Variants in PCDHA1 observed in about 807,000 individuals in gnomAD.
The protein encoded by PCDHA1 is protocadherin alpha 1, also known as protocadherin alpha-1.
A neutral mutation model predicts 61.3 loss-of-function variants in PCDHA1; 42 were observed. The ratio of observed to expected loss-of-function variants is 0.69; its 90% CI spans 0.54 to 0.89. The LOEUF is 0.89. Among genes scored for constraint, PCDHA1 ranks in the 40% least tolerant of loss-of-function variants. The probability of loss-of-function intolerance (pLI) is 0.00; values close to 1 mark genes in which losing one functional copy is unlikely to be tolerated. For missense variants in PCDHA1, 1,256 were observed against 1,235.3 expected, an observed-to-expected ratio of 1.02 and a Z score of -0.25; for synonymous variants, 610 against 553.8, an observed-to-expected ratio of 1.10 and a Z score of -1.43.
At chr5:140,946,629 T>TATATATATATATAC (rs1367833800) in intron 1 of PCDHA1, among the ~76,000 whole-genome samples, 1 of 123,274 alleles carries the variant, frequency 8.1e-6, no homozygotes, top group Admixed American at 8.1e-5. Flanking sequence ...TATATATATA[T>TATATATATATATAC]ATACAATGGA....
In PCDHA1 at chr5:140,818,806, G is replaced by C. The variant is rs2150102424; in HGVS notation, c.2394+30122G>C. Among the ~76,000 whole-genome samples, 6 of 152,310 alleles carry C rather than the reference G, an allele frequency of 3.9e-5. No homozygotes were observed. In the South Asian group the frequency reaches 1.0e-3, roughly 26 times the overall value. On this transcript the variant is annotated intron_variant, in intron 1 of 3. Coordinates refer to ENST00000504120, the MANE Select transcript of PCDHA1 (RefSeq NM_018900.4). ...GACTGTACCACTGCACTCCAGCCTC[G>C]GTCAGAGTGAGACTCTTTGTCACCC...
Position 140,895,072 on chromosome 5 carries a change from A to C in PCDHA1, c.2395-83877A>C, listed in dbSNP as rs974661383. On this transcript the variant is annotated intron_variant, in intron 1 of 3. Coordinates refer to ENST00000504120, the MANE Select transcript of PCDHA1 (RefSeq NM_018900.4). ...TCTGCTTCATATGGACTCAATTCCT[A>C]TCAGTTCCTCCTCAGTATAGGGGTT... 2.6e-5 allele frequency among the ~76,000 whole-genome samples: 4 copies of C among 152,208 alleles called. No homozygotes were observed. In the South Asian group the frequency reaches 6.2e-4, roughly 24 times the overall value.
chr5:140,836,773 A>G lies in PCDHA1; in HGVS notation c.2394+48089A>G, dbSNP rs2150269695. On this transcript the variant is annotated intron_variant, in intron 1 of 3. Transcript: ENST00000504120. ...AAATAATCTTGTTTCCAACAATTTT[A>G]AAACAATTAGTTCAATTGGTCTCCT... is the stretch of plus-strand genomic sequence containing the variant. The G allele has an allele frequency of 2.6e-6, 4 of 1,543,022 alleles. No individual in the cohort carries two copies. The East Asian group carries it at 9.0e-5, about 35-fold the overall frequency.
chr5:140,981,026 A>T (rs1300851844), intron 2 of PCDHA1, among the ~76,000 whole-genome samples: 3 of 152,088 alleles, frequency 2.0e-5, no homozygotes, highest in Admixed American at 6.5e-5. Flanking sequence ...GGCTGTTAAT[A>T]TTTGGGGAAA....
chr5:140,883,594 G>C (rs1562791129), intron 1 of PCDHA1: 5 of 1,614,032 alleles, frequency 3.1e-6, no homozygotes, highest in South Asian at 1.1e-5. Context: ...CCAGCGTGTC[G>C]GTGGGGGTGG....
In PCDHA1 at chr5:140,884,801, A is replaced by AT. The variant is rs2060359948; in HGVS notation, c.2395-94148_2395-94147insT. 5 of 1,250,206 alleles carry AT rather than the reference A, an allele frequency of 4.0e-6. No individual in the cohort carries two copies. In the South Asian group the frequency reaches 8.8e-5, roughly 22 times the overall value. 77.4% of individuals were successfully genotyped at this position (1,250,206 alleles called of 1,614,324 possible). A position where few individuals can be genotyped will look rare whatever the true frequency, so the allele number is the denominator to read the frequency against. On this transcript the variant is annotated intron_variant, in intron 1 of 3. Coordinates refer to ENST00000504120, the MANE Select transcript of PCDHA1 (RefSeq NM_018900.4). ...TTTGCTAGTTGTTATCGAATTTAACAACTCTGCTGTGGACATTATGTGTTG... is the reference window on the plus strand; with the variant it reads ...TTTGCTAGTTGTTATCGAATTTAACATACTCTGCTGTGGACATTATGTGTTG...
chr5:140,801,311 G>A (rs1175646225), intron 1 of PCDHA1: 3 of 1,613,344 alleles, frequency 1.9e-6, no homozygotes, highest in Non-Finnish European at 1.7e-6. Context: ...TCTCTGAGGA[G>A]GCCAAGCATG....
chr5:140,891,230 T>G (rs1192105465), intron 1 of PCDHA1, among the ~76,000 whole-genome samples: 1 of 152,232 alleles, frequency 6.6e-6, no homozygotes, highest in Non-Finnish European at 1.5e-5. Flanking sequence ...AATCATCCTG[T>G]TCTGGATTCA....
At chr5:140,942,422 G>C (rs1445298712) in intron 1 of PCDHA1, among the ~76,000 whole-genome samples, 3 of 150,866 alleles carry the variant, frequency 2.0e-5, no homozygotes, top group Non-Finnish European at 4.4e-5. Context: ...AAAAAAAAAA[G>C]ATATCTAACA....
chr5:140,860,713 A>G (rs2046537417), intron 1 of PCDHA1: 1 of 152,204 alleles, frequency 6.6e-6, no homozygotes, highest in Non-Finnish European at 1.5e-5. Context: ...GTTCTCCATG[A>G]AAAGTTTTTT....
intron 1 of PCDHA1, chr5:140,830,494 A>T (rs2150187219): frequency 3.4e-6 from 5 of 1,472,568 alleles, no homozygotes; most frequent in Non-Finnish European, 4.5e-6. Flanking sequence ...AAGTAAGTGA[A>T]TTTTCATAAT....
chr5:140,847,838 T>G (rs1182373979), intron 1 of PCDHA1: 1 of 149,830 alleles, frequency 6.7e-6, no homozygotes, highest in African/African-American at 2.4e-5. Flanking sequence ...CTACCTCAGT[T>G]GGTTGCTACT....
chr5:140,985,471 G>A (rs926791157), intron 3 of PCDHA1, among the ~76,000 whole-genome samples: 4 of 152,148 alleles, frequency 2.6e-5, no homozygotes, highest in African/African-American at 9.7e-5. Flanking sequence ...AAAAAATTTG[G>A]TTGTTTCCAG....
intron 1 of PCDHA1, among the ~76,000 whole-genome samples, chr5:140,826,168 G>A (rs1554130469): frequency 6.6e-6 from 1 of 152,116 alleles, no homozygotes; most frequent in Non-Finnish European, 1.5e-5. Flanking sequence ...AATAGTTTTT[G>A]TCATTCTATA....
In PCDHA1 at chr5:140,884,106, T is replaced by C; in HGVS notation, c.2395-94843T>C. 1 of 1,613,420 alleles carries C rather than the reference T, an allele frequency of 6.2e-7. No individual in the cohort carries two copies. The highest frequency in any genetic ancestry group is 8.5e-7 in the Non-Finnish European group (1 of 1,179,712). On this transcript the variant is annotated intron_variant, in intron 1 of 3. Transcript: ENST00000504120. ...GCGTGGCTTTCGTATGAATTGCAGC[T>C]GGCGGCGGTCGGCGCGCGCATCCCG...
rs782547925 is a variant in PCDHA1, at chr5:140,967,973, G to A, written c.2395-10976G>A. 4 of 1,614,170 alleles carry A rather than the reference G, an allele frequency of 2.5e-6. No individual in the cohort carries two copies. In the African/African-American group the frequency reaches 4.0e-5, roughly 16 times the overall value. On this transcript the variant is annotated intron_variant, in intron 1 of 3. Coordinates refer to ENST00000504120, the MANE Select transcript of PCDHA1 (RefSeq NM_018900.4). ...AGGCCCCAACCGGAAAGTGAGCCTG[G>A]GTCTGGAGGCCACACTGCCTTTCCG... is the stretch of plus-strand genomic sequence containing the variant.
chr5:140,961,255 C>G (rs1446798989), intron 1 of PCDHA1, among the ~76,000 whole-genome samples: 1 of 152,164 alleles, frequency 6.6e-6, no homozygotes, highest in African/African-American at 2.4e-5. Context: ...TCCGAAGCTC[C>G]AGGAAGCTTC....
intron 1 of PCDHA1, chr5:140,842,835 C>A: frequency 1.3e-6 from 2 of 1,593,850 alleles, no homozygotes; most frequent in South Asian, 2.2e-5. Context: ...CGCTCGCTGT[C>A]GAGCTACATT....
chr5:141,010,869 A>T lies in PCDHA1; in HGVS notation c.*932A>T, dbSNP rs1434984330. The T allele has an allele frequency of 1.3e-5, 2 of 153,786 alleles. No individual in the cohort carries two copies. Among genetic ancestry groups the T allele is most frequent in the African/African-American group, 4.8e-5 (2 of 41,464 alleles). The allele number at this position is 153,786 out of a possible 1,614,324, so 9.5% of individuals were successfully genotyped here. On this transcript the variant is annotated 3_prime_UTR_variant, in exon 4 of 4. Coordinates refer to ENST00000504120, the MANE Select transcript of PCDHA1 (RefSeq NM_018900.4). Reference sequence around the variant, plus strand: ...AAAAAAAGAGAAAGTCTATAGCTATAAATCTTTAAAGAGAAATATGAATAC... The same window carrying T: ...AAAAAAAGAGAAAGTCTATAGCTATTAATCTTTAAAGAGAAATATGAATAC...
Sources: gnomAD v4.1 joint callset for allele counts (sites outside exome capture counted in the v4.1 genomes callset) on GRCh38, gnomAD v4.1.1 for gene constraint, MANE v1.5 for transcripts, NCBI Gene and HGNC (gene_info 2026-07-23, HGNC 2026-07-21) for gene names.